TMEM132C: variants seen among roughly 807,000 people sequenced by gnomAD.
TMEM132C encodes the protein transmembrane protein 132C.
A neutral mutation model predicts 61.4 loss-of-function variants in TMEM132C; 29 were observed. The ratio of observed to expected loss-of-function variants is 0.47; its 90% CI spans 0.35 to 0.64. The LOEUF (loss-of-function observed/expected upper bound fraction) is 0.64. Ranked by LOEUF, TMEM132C falls within the 30% of genes least tolerant of loss-of-function variation. TMEM132C has a pLI of 0.00. For missense variants in TMEM132C, 1,408 were observed against 1,476.9 expected, an observed-to-expected ratio of 0.95 and a Z score of 0.76; for synonymous variants, 656 against 633.1, an observed-to-expected ratio of 1.04 and a Z score of -0.54.
At position 128,705,676 on chromosome 12, in the gene TMEM132C, A is replaced by G. The variant is rs1954833201; in HGVS notation, c.2708A>G (p.Lys903Arg). 3.2e-6 allele frequency: 5 copies of G among 1,551,240 alleles called. No homozygotes were observed. The highest frequency in any genetic ancestry group is 2.4e-5 in the South Asian group (2 of 84,062). The change falls in exon 9 of 9, where the codon AAG becomes AGG. Residue 903 changes from lysine to arginine, a missense_variant. Lys to Arg is a conservative substitution (Grantham distance 26, BLOSUM62 2). Transcript: ENST00000435159. ...TTCCCTGCCCACGTGGACCTCCCCA[A>G]GGCCGGGAGTGGGCTGGAGGAAAAC... Reference protein sequence around the residue: ...TNFPAHVDLPKAGSGLEENDL... With the variant: ...TNFPAHVDLPRAGSGLEENDL...
At chr12:128,384,570 T>C (rs889760873) in intron 1 of TMEM132C, among the ~76,000 whole-genome samples, 1 of 152,218 alleles carries the variant, frequency 6.6e-6, no homozygotes, top group Non-Finnish European at 1.5e-5. Flanking sequence ...TTATGGCCTT[T>C]GGTGAGGCCA....
intron 2 of TMEM132C, among the ~76,000 whole-genome samples, chr12:128,506,387 T>A (rs1273155579): frequency 6.6e-6 from 1 of 152,192 alleles, no homozygotes; most frequent in Non-Finnish European, 1.5e-5. Context: ...GGGAGATGTT[T>A]GGGTTTTCCT....
chr12:128,380,890 C>T (rs1010349002), intron 1 of TMEM132C, among the ~76,000 whole-genome samples: 2 of 152,174 alleles, frequency 1.3e-5, no homozygotes, highest in African/African-American at 4.8e-5. Context: ...ATATTGTTGA[C>T]TCATTCACAT....
intron 1 of TMEM132C, among the ~76,000 whole-genome samples, chr12:128,312,448 A>G (rs999435633): frequency 1.3e-5 from 2 of 152,012 alleles, no homozygotes; most frequent in Admixed American, 6.6e-5. Flanking sequence ...TGGGTCTACA[A>G]CCGCCCACCA....
At chr12:128,661,648 A>G (rs920957895) in intron 4 of TMEM132C, among the ~76,000 whole-genome samples, 1 of 152,204 alleles carries the variant, frequency 6.6e-6, no homozygotes, top group Non-Finnish European at 1.5e-5. Flanking sequence ...GTAAGTTTCC[A>G]TGGGTAAGAG....
chr12:128,660,595 C>T (rs537696887), intron 4 of TMEM132C, among the ~76,000 whole-genome samples: 2 of 152,328 alleles, frequency 1.3e-5, no homozygotes, highest in South Asian at 2.1e-4. Context: ...GGTTCCCAGA[C>T]ACTTTATGCA....
intron 5 of TMEM132C, among the ~76,000 whole-genome samples, chr12:128,671,927 G>A (rs58112534): frequency 0.026 from 4,005 of 152,206 alleles, 187 homozygotes; most frequent in African/African-American, 0.091. Flanking sequence ...GAGGAAAAGG[G>A]GGATGAAGTT....
chr12:128,468,339 CAG>C (rs1482150219), intron 2 of TMEM132C, among the ~76,000 whole-genome samples: 1 of 151,532 alleles, frequency 6.6e-6, no homozygotes, highest in Non-Finnish European at 1.5e-5. Context: ...CTTTTTGAGA[CAG>C]AGTTTTGCTC....
At chr12:128,310,989 C>G (rs1002678864) in intron 1 of TMEM132C, among the ~76,000 whole-genome samples, 1 of 151,986 alleles carries the variant, frequency 6.6e-6, no homozygotes, top group Non-Finnish European at 1.5e-5. Flanking sequence ...ATCACATGTA[C>G]CCTTCAACTA....
intron 1 of TMEM132C, among the ~76,000 whole-genome samples, chr12:128,352,783 G>A (rs1441973394): frequency 1.3e-5 from 2 of 152,208 alleles, no homozygotes; most frequent in Non-Finnish European, 2.9e-5. Context: ...TGTTCAAGGA[G>A]TTTGCCTCAT....
At chr12:128,698,583 T>G (rs77584749) in intron 8 of TMEM132C, among the ~76,000 whole-genome samples, 3,965 of 152,344 alleles carry the variant, frequency 0.026, 99 homozygotes, top group South Asian at 0.11. Context: ...CGATGTTGAC[T>G]GCTAAAAACA....
intron 3 of TMEM132C, among the ~76,000 whole-genome samples, chr12:128,557,029 T>C (rs956695494): frequency 5.9e-5 from 9 of 152,240 alleles, no homozygotes; most frequent in African/African-American, 1.9e-4. Flanking sequence ...TGAGTTCAAC[T>C]ACTTGCCAAG....
intron 1 of TMEM132C, among the ~76,000 whole-genome samples, chr12:128,282,034 T>C (rs1870915771): frequency 6.6e-6 from 1 of 152,240 alleles, no homozygotes; most frequent in South Asian, 2.1e-4. Flanking sequence ...GGAAAATGGC[T>C]GGAGTTTTTT....
At chr12:128,673,953 G>A (rs1323183628) in intron 5 of TMEM132C, among the ~76,000 whole-genome samples, 2 of 152,206 alleles carry the variant, frequency 1.3e-5, no homozygotes, top group Admixed American at 6.5e-5. Context: ...AAGACTGGAG[G>A]CTTCCAAGTA....
chr12:128,496,143 G>A, intron 2 of TMEM132C, among the ~76,000 whole-genome samples: 1 of 152,118 alleles, frequency 6.6e-6, no homozygotes. Flanking sequence ...TTTTCTTTAA[G>A]AATGTTGAAT....
chr12:128,339,331 C>T (rs1439717957), intron 1 of TMEM132C, among the ~76,000 whole-genome samples: 2 of 151,970 alleles, frequency 1.3e-5, no homozygotes, highest in African/African-American at 4.8e-5. Flanking sequence ...GGAGGTCTGT[C>T]TGTCTTCTGC....
intron 1 of TMEM132C, among the ~76,000 whole-genome samples, chr12:128,341,712 A>C (rs1490331047): frequency 1.3e-5 from 2 of 152,192 alleles, no homozygotes; most frequent in East Asian, 1.9e-4. Flanking sequence ...GATGGCTTGA[A>C]CTGGTGCAGC....
At chr12:128,470,111 C>T (rs1196345860) in intron 2 of TMEM132C, among the ~76,000 whole-genome samples, 1 of 152,188 alleles carries the variant, frequency 6.6e-6, no homozygotes, top group Admixed American at 6.5e-5. Context: ...TTGAAGTTTC[C>T]TGTTCCAAGT....
At chr12:128,563,658 C>T (rs7962781) in intron 3 of TMEM132C, among the ~76,000 whole-genome samples, 1,650 of 152,190 alleles carry the variant, frequency 0.011, 30 homozygotes, top group African/African-American at 0.037. Context: ...TGTACATTCC[C>T]GGAAGAATGA....
Sources: gnomAD v4.1 joint callset for allele counts (sites outside exome capture counted in the v4.1 genomes callset) on GRCh38, gnomAD v4.1.1 for gene constraint, MANE v1.5 for transcripts, NCBI Gene and HGNC (gene_info 2026-07-23, HGNC 2026-07-21) for gene names.